The following PTPRC variants were observed in gnomAD, a reference collection of about 807,000 sequenced individuals.
PTPRC encodes receptor-type tyrosine-protein phosphatase C.
A neutral mutation model predicts 155.9 loss-of-function variants in PTPRC; 44 were observed. That is an observed-to-expected ratio of 0.28 (90% CI 0.22 to 0.36). The LOEUF is 0.36. Ranked by LOEUF, PTPRC falls within the 10% of genes least tolerant of loss-of-function variation. The probability of loss-of-function intolerance (pLI) is 1.00; values close to 1 mark genes in which losing one functional copy is unlikely to be tolerated. For synonymous variants in PTPRC, 525 were observed against 533.1 expected, an observed-to-expected ratio of 0.98 and a Z score of 0.21; for missense variants, 1,401 against 1,564.6, an observed-to-expected ratio of 0.90 and a Z score of 1.76.
intron 12 of PTPRC, among the ~76,000 whole-genome samples, chr1:198,715,167 G>C: frequency 6.6e-6 from 1 of 152,140 alleles, no homozygotes; most frequent in African/African-American, 2.4e-5. Flanking sequence ...CTGTCGCCCA[G>C]GCTGGAGTGC....
chr1:198,728,413 C>G lies in PTPRC; in HGVS notation c.1794C>G (p.Leu598=). ...CATCAATAGCCCTGCTTGTTGTTCTCTACAAAATCTATGATCTACATAAGA... is the reference window on the plus strand; with the variant it reads ...CATCAATAGCCCTGCTTGTTGTTCTGTACAAAATCTATGATCTACATAAGA... ...IVTSIALLVV[L]YKIYDLHKKR... The change falls in exon 16 of 33, where the codon CTC becomes CTG. Residue 598 remains leucine (L), a synonymous_variant. Coordinates refer to ENST00000442510, the MANE Select transcript of PTPRC (RefSeq NM_002838.5). The G allele has an allele frequency of 6.2e-7, 1 of 1,612,718 alleles. No homozygotes were observed. Among genetic ancestry groups the G allele is most frequent in the Middle Eastern group, 1.7e-4 (1 of 6,050 alleles).
In PTPRC at chr1:198,748,208, T is replaced by A; in HGVS notation, c.2938+9T>A. 1 of 1,592,802 alleles carries A rather than the reference T, an allele frequency of 6.3e-7. No homozygotes were observed. Among genetic ancestry groups the A allele is most frequent in the South Asian group, 1.1e-5 (1 of 88,068 alleles). ...TTCTAATGTCATCCCATGTATGTAG[T>A]TTATTTTTTTATTTTTTGTATCAGA... On this transcript the variant is annotated intron_variant, in intron 27 of 32. Transcript: ENST00000442510.
At chr1:198,694,745 T>C in intron 3 of PTPRC, 1 of 957,846 alleles carries the variant, frequency 1.0e-6, no homozygotes. Context: ...CCTACTTTCT[T>C]TCCACTCCCT....
At chr1:198,643,782 A>G (rs1211283899) in intron 2 of PTPRC, among the ~76,000 whole-genome samples, 3 of 151,980 alleles carry the variant, frequency 2.0e-5, no homozygotes, top group African/African-American at 7.2e-5. Flanking sequence ...AATGTAGCGG[A>G]GTGATAACAC....
chr1:198,736,415 C>T (rs959840838), intron 23 of PTPRC, among the ~76,000 whole-genome samples: 1 of 151,584 alleles, frequency 6.6e-6, no homozygotes, highest in African/African-American at 2.4e-5. Context: ...TTTTGGCTCC[C>T]ACAAATAAGT....
chr1:198,725,384 G>A (rs1365230882), intron 15 of PTPRC, among the ~76,000 whole-genome samples: 1 of 152,106 alleles, frequency 6.6e-6, no homozygotes, highest in Non-Finnish European at 1.5e-5. Flanking sequence ...TGACTGAGGA[G>A]ATTTCCTATG....
At chr1:198,654,463 A>G (rs750538121) in intron 2 of PTPRC, among the ~76,000 whole-genome samples, 2 of 151,894 alleles carry the variant, frequency 1.3e-5, no homozygotes, top group African/African-American at 4.8e-5. Flanking sequence ...AAAAATTTAT[A>G]TACACAGATT....
chr1:198,700,385 A>T (rs1269996860), intron 5 of PTPRC, among the ~76,000 whole-genome samples: 1 of 152,224 alleles, frequency 6.6e-6, no homozygotes, highest in Non-Finnish European at 1.5e-5. Context: ...AAAGTTAAAG[A>T]TATAAATGGT....
intron 2 of PTPRC, among the ~76,000 whole-genome samples, chr1:198,680,795 C>T (rs1665277303): frequency 1.3e-5 from 2 of 152,006 alleles, no homozygotes; most frequent in Non-Finnish European, 2.9e-5. Flanking sequence ...GGACTGTGTA[C>T]CGAAATTCAG....
At chr1:198,704,875 A>G (rs1411870376) in intron 8 of PTPRC, among the ~76,000 whole-genome samples, 3 of 152,230 alleles carry the variant, frequency 2.0e-5, no homozygotes. Flanking sequence ...TTGAAAACTA[A>G]GTTTTCCAGT....
intron 13 of PTPRC, among the ~76,000 whole-genome samples, chr1:198,717,793 C>A (rs1269716666): frequency 6.6e-6 from 1 of 152,030 alleles, no homozygotes; most frequent in Non-Finnish European, 1.5e-5. Context: ...CCCAAACTTC[C>A]CCCTCTTCCC....
chr1:198,653,492 C>T (rs1328579159), intron 2 of PTPRC, among the ~76,000 whole-genome samples: 1 of 151,658 alleles, frequency 6.6e-6, no homozygotes, highest in Non-Finnish European at 1.5e-5. Flanking sequence ...AATTGAAATA[C>T]TGAAATACAG....
intron 2 of PTPRC, among the ~76,000 whole-genome samples, chr1:198,682,795 T>A (rs1204636332): frequency 6.6e-6 from 1 of 152,220 alleles, no homozygotes; most frequent in Non-Finnish European, 1.5e-5. Context: ...TTGTTAGGCA[T>A]AGGCCTGTTC....
intron 5 of PTPRC, chr1:198,700,128 C>CTGT: frequency 5.0e-6 from 1 of 198,516 alleles, no homozygotes; most frequent in African/African-American, 2.4e-5. Context: ...CACAATGAAA[C>CTGT]TGTTATTTAA....
chr1:198,672,049 CA>C (rs1327355643), intron 2 of PTPRC, among the ~76,000 whole-genome samples: 1 of 152,098 alleles, frequency 6.6e-6, no homozygotes, highest in Non-Finnish European at 1.5e-5. Context: ...CTTAAAATTC[CA>C]TTGGGTTTTG....
intron 3 of PTPRC, chr1:198,693,039 T>G: frequency 1.0e-6 from 1 of 972,396 alleles, no homozygotes; most frequent in South Asian, 4.8e-5. Context: ...TGTATTTTCC[T>G]GCATAATCAT....
At chr1:198,711,641 T>C (rs1328054156) in intron 11 of PTPRC, among the ~76,000 whole-genome samples, 1 of 152,200 alleles carries the variant, frequency 6.6e-6, no homozygotes, top group Non-Finnish European at 1.5e-5. Flanking sequence ...AAAAATTGAA[T>C]ATTCCTGCTC....
At chr1:198,747,108 T>C (rs976972295) in intron 26 of PTPRC, among the ~76,000 whole-genome samples, 1 of 151,794 alleles carries the variant, frequency 6.6e-6, no homozygotes, top group African/African-American at 2.4e-5. Flanking sequence ...CATTAAATAT[T>C]ATTCACTTGA....
At chr1:198,689,650 T>C (rs1665820522) in intron 2 of PTPRC, among the ~76,000 whole-genome samples, 1 of 152,146 alleles carries the variant, frequency 6.6e-6, no homozygotes, top group Admixed American at 6.6e-5. Context: ...CCTTGGCTCT[T>C]CTCCTAAAGC....
Sources: gnomAD v4.1 joint callset for allele counts (sites outside exome capture counted in the v4.1 genomes callset) on GRCh38, gnomAD v4.1.1 for gene constraint, MANE v1.5 for transcripts, NCBI Gene and HGNC (gene_info 2026-07-23, HGNC 2026-07-21) for gene names.